Variants in FRAT1 observed in about 807,000 individuals in gnomAD.
FRAT1 encodes the protein FRAT regulator of Wnt signaling pathway 1.
A neutral mutation model predicts 16.9 loss-of-function variants in FRAT1; 9 were observed. The observed-to-expected ratio is 0.53, with a 90% CI of 0.32 to 0.93. The LOEUF is 0.93. Among genes scored for constraint, FRAT1 ranks in the 40% least tolerant of loss-of-function variants. FRAT1 has a pLI of 0.04. For synonymous variants in FRAT1, 191 were observed against 202.1 expected, an observed-to-expected ratio of 0.95 and a Z score of 0.46; for missense variants, 354 against 402.8, an observed-to-expected ratio of 0.88 and a Z score of 1.04.
Position 97,319,732 on chromosome 10 carries a change from G to T in FRAT1, c.279G>T (p.Leu93=), listed in dbSNP as rs1843441273. 10 of 1,197,414 alleles carry T rather than the reference G, an allele frequency of 8.4e-6. No individual in the cohort carries two copies. Among genetic ancestry groups the T allele is most frequent in the Non-Finnish European group, 1.0e-5 (10 of 967,180 alleles). 74.2% of individuals were successfully genotyped at this position (1,197,414 alleles called of 1,614,324 possible). ...AGGCCAGGTCCCCGGCGGTGCCGCT[G>T]CTGCTGCCGCCCGCGTTGGCGGAGA... ...ADKARSPAVP[L]LLPPALAETV... is the part of the protein sequence containing the mutation. The change falls in exon 1 of 1, where the codon CTG becomes CTT. Residue 93 remains leucine, a synonymous_variant. Coordinates refer to ENST00000371021, the MANE Select transcript of FRAT1 (RefSeq NM_005479.4).
At position 97,319,801 on chromosome 10, in the gene FRAT1, G is replaced by C. The variant is rs186819363; in HGVS notation, c.348G>C (p.Gly116=). 1,612 of 1,343,224 alleles carry C rather than the reference G, an allele frequency of 1.2e-3. 13 individuals carry two copies. In the East Asian group the frequency reaches 0.019, roughly 16 times the overall value. 83.2% of individuals were successfully genotyped at this position (1,343,224 alleles called of 1,614,324 possible). A position where few individuals can be genotyped will look rare whatever the true frequency, so the allele number is the denominator to read the frequency against. The change falls in exon 1 of 1, where the codon GGG becomes GGC. Residue 116 remains glycine, a synonymous_variant. Transcript: ENST00000371021. The part of the protein sequence containing the change: ...APPGVLRCAL[G]DRGRVRGRAA... The stretch of plus-strand genomic sequence containing the variant: ...CTGGGGTCCTGCGCTGCGCCCTGGG[G>C]GACCGCGGCCGCGTGCGGGGCCGCG...
Position 97,320,199 on chromosome 10 carries a change from C to A in FRAT1, c.746C>A (p.Ser249Ter), listed in dbSNP as rs1589393663. 1 of 1,610,552 alleles carries A rather than the reference C, an allele frequency of 6.2e-7. No homozygotes were observed. The highest frequency in any genetic ancestry group is 8.5e-7 in the Non-Finnish European group (1 of 1,178,850). Residue 249 changes from serine to a stop codon, truncating the protein, a stop_gained, in exon 1 of 1, where the codon TCG becomes TAG. Coordinates refer to ENST00000371021, the MANE Select transcript of FRAT1 (RefSeq NM_005479.4). LOFTEE classifies it high-confidence loss of function. ...TCGGCCCCGGTGCATGAACCCCCTT[C>A]GCCTCGCAGCCCTCGCGCGGCCTGC... Reference protein sequence around the residue: ...PLSAPVHEPPSPRSPRAACSD... With the variant: ...PLSAPVHEPP
Position 97,319,471 on chromosome 10 carries a change from G to A in FRAT1, c.18G>A (p.Glu6=). Residue 6 remains glutamate, a synonymous_variant, in exon 1 of 1, where the codon GAG becomes GAA. Transcript: ENST00000371021. ...AGGGGGCCATGCCGTGCCGGAGGGA[G>A]GAGGAAGAGGAAGCCGGCGAGGAGG... The part of the protein sequence containing the change: MPCRR[E]EEEEAGEEAE... The A allele has an allele frequency of 6.9e-7, 1 of 1,451,770 alleles. No homozygotes were observed. The highest frequency in any genetic ancestry group is 9.1e-7 in the Non-Finnish European group (1 of 1,102,294). 89.9% of individuals were successfully genotyped at this position (1,451,770 alleles called of 1,614,324 possible). A position where few individuals can be genotyped will look rare whatever the true frequency, so the allele number is the denominator to read the frequency against.
rs1299844083 is a variant in FRAT1 at position 97,320,120 on chromosome 10, C to T, written c.667C>T (p.Arg223Ter). ...IKEAVRRLHSRRLQLRAKLPQ... is the reference protein window; with the variant it reads ...IKEAVRRLHS ...GGAGGCCGTGCGAAGGCTTCATTCGCGACGGCTGCAGTTACGTGCAAAGCT... is the reference window on the plus strand; with the variant it reads ...GGAGGCCGTGCGAAGGCTTCATTCGTGACGGCTGCAGTTACGTGCAAAGCT... The change falls in exon 1 of 1, where the codon CGA becomes TGA. Residue 223 changes from arginine to a stop codon, truncating the protein, a stop_gained. Transcript: ENST00000371021. LOFTEE classifies it high-confidence loss of function. The T allele has an allele frequency of 1.2e-6, 2 of 1,610,298 alleles. No homozygotes were observed. The highest frequency in any genetic ancestry group is 1.1e-5 in the South Asian group (1 of 90,372).
In FRAT1 at chr10:97,319,635, C is replaced by T. The variant is rs1250821143; in HGVS notation, c.182C>T (p.Ala61Val). The stretch of plus-strand genomic sequence containing the variant: ...CTGGACGCGGCGCAGCACAGCCCGG[C>T]CTCGCCGTGCGGGCCCCCGGGGGCG... Reference protein sequence around the residue: ...LQLDAAQHSPASPCGPPGAPL... With the variant: ...LQLDAAQHSPVSPCGPPGAPL... Residue 61 changes from alanine to valine, a missense_variant, in exon 1 of 1, where the codon GCC becomes GTC. Around this residue, in one of 3 missense-constraint regions of FRAT1, gnomAD observed 22 missense variants for 54.1 expected, o/e 0.41. Coordinates refer to ENST00000371021, the MANE Select transcript of FRAT1 (RefSeq NM_005479.4). 1.6e-5 allele frequency: 20 copies of T among 1,271,552 alleles called. No individual in the cohort carries two copies. Among genetic ancestry groups the T allele is most frequent in the Non-Finnish European group, 1.7e-5 (17 of 1,006,564 alleles). 78.8% of individuals were successfully genotyped at this position (1,271,552 alleles called of 1,614,324 possible).
Position 97,319,959 on chromosome 10 carries a change from G to T in FRAT1, c.506G>T (p.Arg169Leu). The T allele has an allele frequency of 6.5e-7, 1 of 1,540,236 alleles. No homozygotes were observed. Among genetic ancestry groups the T allele is most frequent in the East Asian group, 2.4e-5 (1 of 40,892 alleles). ...GIPQPLSGPCRRGWLRGAAAS... is the reference protein window; with the variant it reads ...GIPQPLSGPCLRGWLRGAAAS... ...CCGCAGCCGCTGTCGGGTCCGTGCC[G>T]GCGAGGATGGCTCCGGGGCGCCGCC... The change falls in exon 1 of 1, where the codon CGG becomes CTG. Residue 169 changes from arginine (R) to leucine (L), a missense_variant. Arg to Leu is a moderately radical substitution (Grantham distance 102, BLOSUM62 -2). Around this residue, in one of 3 missense-constraint regions of FRAT1, gnomAD observed 286 missense variants for 311.0 expected, o/e 0.92. Coordinates refer to ENST00000371021, the MANE Select transcript of FRAT1 (RefSeq NM_005479.4).
At position 97,319,870 on chromosome 10, in the gene FRAT1, G is replaced by C. The variant is rs1186770431; in HGVS notation, c.417G>C (p.Ala139=). The C allele has an allele frequency of 2.6e-6, 4 of 1,520,998 alleles. No individual in the cohort carries two copies. The highest frequency in any genetic ancestry group is 3.5e-6 in the Non-Finnish European group (4 of 1,141,690). The allele number at this position is 1,520,998 out of a possible 1,614,324, so 94.2% of individuals were successfully genotyped here. Residue 139 remains alanine, a synonymous_variant, in exon 1 of 1, where the codon GCG becomes GCC. Transcript: ENST00000371021. ...CCGAGCTCGCCACAGGCCCCAGCGCGCTGTCCCCACTGCCCCCTCAGGCCG... is the reference window on the plus strand; with the variant it reads ...CCGAGCTCGCCACAGGCCCCAGCGCCCTGTCCCCACTGCCCCCTCAGGCCG... The part of the protein sequence containing the change: ...CVAELATGPS[A]LSPLPPQADL...
Position 97,320,124 on chromosome 10 carries a change from G to C in FRAT1, c.671G>C (p.Arg224Pro), listed in dbSNP as rs1201502699. Residue 224 changes from arginine to proline, a missense_variant, in exon 1 of 1, where the codon CGG (arginine) becomes CCG (proline). Arg to Pro is a moderately radical substitution (Grantham distance 103). Transcript: ENST00000371021. The part of the protein sequence containing the change: ...KEAVRRLHSR[R>P]LQLRAKLPQR... ...GCCGTGCGAAGGCTTCATTCGCGAC[G>C]GCTGCAGTTACGTGCAAAGCTTCCC... 2 of 1,611,144 alleles carry C rather than the reference G, an allele frequency of 1.2e-6. No homozygotes were observed. The highest frequency in any genetic ancestry group is 1.7e-6 in the Non-Finnish European group (2 of 1,178,988).
rs958057480 is a variant in FRAT1, at chr10:97,319,272, G to C, written c.-182G>C. 11 of 722,674 alleles carry C rather than the reference G, an allele frequency of 1.5e-5. No homozygotes were observed. Among genetic ancestry groups the C allele is most frequent in the East Asian group, 7.4e-5 (2 of 27,172 alleles). The allele number at this position is 722,674 out of a possible 1,614,324, so 44.8% of individuals were successfully genotyped here. A position where few individuals can be genotyped will look rare whatever the true frequency, so the allele number is the denominator to read the frequency against. On this transcript the variant is annotated 5_prime_UTR_variant, in exon 1 of 1. Coordinates refer to ENST00000371021, the MANE Select transcript of FRAT1 (RefSeq NM_005479.4). ...AATCAACCCGAGCCGGCAGGATTCC[G>C]GCTCCCGCGGCTGCAGGCGCGCGGC... is the stretch of plus-strand genomic sequence containing the variant.
rs1182025126 is a variant in FRAT1 at position 97,319,819 on chromosome 10, G to T, written c.366G>T (p.Arg122=). 4.3e-6 allele frequency: 6 copies of T among 1,384,080 alleles called. No homozygotes were observed. Among genetic ancestry groups the T allele is most frequent in the African/African-American group, 3.1e-5 (2 of 65,328 alleles). 85.7% of individuals were successfully genotyped at this position (1,384,080 alleles called of 1,614,324 possible). A position where few individuals can be genotyped will look rare whatever the true frequency, so the allele number is the denominator to read the frequency against. Reference sequence around the variant, plus strand: ...CCCTGGGGGACCGCGGCCGCGTGCGGGGCCGCGCTGCGCCCTACTGCGTGG... The same window carrying T: ...CCCTGGGGGACCGCGGCCGCGTGCGTGGCCGCGCTGCGCCCTACTGCGTGG... ...RCALGDRGRV[R]GRAAPYCVAE... Residue 122 remains arginine (R), a synonymous_variant, in exon 1 of 1, where the codon CGG becomes CGT. Coordinates refer to ENST00000371021, the MANE Select transcript of FRAT1 (RefSeq NM_005479.4).
Position 97,319,277 on chromosome 10 carries a change from C to T in FRAT1, c.-177C>T. 1.3e-6 allele frequency: 1 copy of T among 789,508 alleles called. No individual in the cohort carries two copies. Among genetic ancestry groups the T allele is most frequent in the Non-Finnish European group, 1.7e-6 (1 of 587,398 alleles). The allele number at this position is 789,508 out of a possible 1,614,324, so 48.9% of individuals were successfully genotyped here. A position where few individuals can be genotyped will look rare whatever the true frequency, so the allele number is the denominator to read the frequency against. On this transcript the variant is annotated 5_prime_UTR_variant, in exon 1 of 1. Transcript: ENST00000371021. ...ACCCGAGCCGGCAGGATTCCGGCTC[C>T]CGCGGCTGCAGGCGCGCGGCTAGAG...
chr10:97,319,421 C>A lies in FRAT1; in HGVS notation c.-33C>A. The A allele has an allele frequency of 7.4e-7, 1 of 1,342,866 alleles. No individual in the cohort carries two copies. Among genetic ancestry groups the A allele is most frequent in the Non-Finnish European group, 9.5e-7 (1 of 1,047,392 alleles). 83.2% of individuals were successfully genotyped at this position (1,342,866 alleles called of 1,614,324 possible). On this transcript the variant is annotated 5_prime_UTR_variant, in exon 1 of 1. Coordinates refer to ENST00000371021, the MANE Select transcript of FRAT1 (RefSeq NM_005479.4). Reference sequence around the variant, plus strand: ...GCCGGCAGCCGAGCCCCCAGCGACGCCCGCACAGCTCCGGGTGCCCAGACA... The same window carrying A: ...GCCGGCAGCCGAGCCCCCAGCGACGACCGCACAGCTCCGGGTGCCCAGACA...
Position 97,320,423 on chromosome 10 carries a change from AAC to A in FRAT1, c.*131_*132del, listed in dbSNP as rs1215131145. On this transcript the variant is annotated 3_prime_UTR_variant, in exon 1 of 1. Coordinates refer to ENST00000371021, the MANE Select transcript of FRAT1 (RefSeq NM_005479.4). Reference sequence around the variant, plus strand: ...CGAGAGTAAAAAGCTAATGACGAGGAACCGAAAAATCGCGAGTGTTTCGCGGG... The same window carrying A: ...CGAGAGTAAAAAGCTAATGACGAGGACGAAAAATCGCGAGTGTTTCGCGGG... 1.1e-5 allele frequency: 11 copies of A among 991,546 alleles called. No homozygotes were observed. Among genetic ancestry groups the A allele is most frequent in the African/African-American group, 1.7e-5 (1 of 60,596 alleles). The allele number at this position is 991,546 out of a possible 1,614,324, so 61.4% of individuals were successfully genotyped here. A position where few individuals can be genotyped will look rare whatever the true frequency, so the allele number is the denominator to read the frequency against.
Position 97,320,494 on chromosome 10 carries a change from G to A in FRAT1, c.*201G>A, listed in dbSNP as rs865840237. 1.7e-6 allele frequency: 1 copy of A among 587,604 alleles called. No individual in the cohort carries two copies. 36.4% of individuals were successfully genotyped at this position (587,604 alleles called of 1,614,324 possible). On this transcript the variant is annotated 3_prime_UTR_variant, in exon 1 of 1. Transcript: ENST00000371021. The stretch of plus-strand genomic sequence containing the variant: ...AAAATATTTGGAATGAAGGACTTTG[G>A]CCCTATTTAAGGCAGATTTTACAGA...
chr10:97,319,874 T>C lies in FRAT1; in HGVS notation c.421T>C (p.Ser141Pro). ...AELATGPSALSPLPPQADLDG... is the reference protein window; with the variant it reads ...AELATGPSALPPLPPQADLDG... ...GCTCGCCACAGGCCCCAGCGCGCTG[T>C]CCCCACTGCCCCCTCAGGCCGACCT... The change falls in exon 1 of 1, where the codon TCC (serine) becomes CCC (proline). Residue 141 changes from serine to proline, a missense_variant. Coordinates refer to ENST00000371021, the MANE Select transcript of FRAT1 (RefSeq NM_005479.4). The C allele has an allele frequency of 1.3e-6, 2 of 1,522,740 alleles. No homozygotes were observed. The highest frequency in any genetic ancestry group is 8.8e-7 in the Non-Finnish European group (1 of 1,142,358). The allele number at this position is 1,522,740 out of a possible 1,614,324, so 94.3% of individuals were successfully genotyped here.
In FRAT1 at chr10:97,321,186, G is replaced by T; in HGVS notation, c.*893G>T. The T allele has an allele frequency of 6.0e-6, 1 of 166,540 alleles. No individual in the cohort carries two copies. 10.3% of individuals were successfully genotyped at this position (166,540 alleles called of 1,614,324 possible). A position where few individuals can be genotyped will look rare whatever the true frequency, so the allele number is the denominator to read the frequency against. On this transcript the variant is annotated 3_prime_UTR_variant, in exon 1 of 1. Transcript: ENST00000371021. The stretch of plus-strand genomic sequence containing the variant: ...GTCTCCTGAGGACACGCGCGTCGCC[G>T]CCACCGCGGGTGTGGGAAAGCGCGG...
At position 97,320,741 on chromosome 10, in the gene FRAT1, G is replaced by A. The variant is rs1420983251; in HGVS notation, c.*448G>A. ...TGGCTCCTGATCCACTTTGGGGGAGGAGAACATGAGTAGATAATTTCAGGG... is the reference window on the plus strand; with the variant it reads ...TGGCTCCTGATCCACTTTGGGGGAGAAGAACATGAGTAGATAATTTCAGGG... On this transcript the variant is annotated 3_prime_UTR_variant, in exon 1 of 1. Transcript: ENST00000371021. 1 of 181,786 alleles carries A rather than the reference G, an allele frequency of 5.5e-6. No homozygotes were observed. Among genetic ancestry groups the A allele is most frequent in the African/African-American group, 2.4e-5 (1 of 41,964 alleles). The allele number at this position is 181,786 out of a possible 1,614,324, so 11.3% of individuals were successfully genotyped here. A position where few individuals can be genotyped will look rare whatever the true frequency, so the allele number is the denominator to read the frequency against.
At position 97,319,280 on chromosome 10, in the gene FRAT1, C is replaced by G. The variant is rs1485279580; in HGVS notation, c.-174C>G. The G allele has an allele frequency of 5.0e-6, 4 of 806,756 alleles. No homozygotes were observed. The African/African-American group carries it at 5.4e-5, about 11-fold the overall frequency. 50.0% of individuals were successfully genotyped at this position (806,756 alleles called of 1,614,324 possible). ...CGAGCCGGCAGGATTCCGGCTCCCG[C>G]GGCTGCAGGCGCGCGGCTAGAGTGC... On this transcript the variant is annotated 5_prime_UTR_variant, in exon 1 of 1. Transcript: ENST00000371021.
At position 97,320,304 on chromosome 10, in the gene FRAT1, G is replaced by A; in HGVS notation, c.*11G>A. ...GTGCCTGGCAGCTAACACGCCCGGG[G>A]TGGCCACAGCGCCAGCCTCAGACTG... is the stretch of plus-strand genomic sequence containing the variant. On this transcript the variant is annotated 3_prime_UTR_variant, in exon 1 of 1. Coordinates refer to ENST00000371021, the MANE Select transcript of FRAT1 (RefSeq NM_005479.4). The A allele has an allele frequency of 3.2e-6, 5 of 1,553,112 alleles. No individual in the cohort carries two copies. The highest frequency in any genetic ancestry group is 3.5e-6 in the Non-Finnish European group (4 of 1,148,868).
Sources: allele counts gnomAD v4.1 joint callset, GRCh38; gene constraint gnomAD v4.1.1; regional missense constraint gnomAD v4.1.1; transcripts MANE v1.5; gene names NCBI Gene and HGNC (gene_info 2026-07-23, HGNC 2026-07-21).